IL3RA: variants seen among roughly 807,000 people sequenced by gnomAD.
IL3RA encodes interleukin-3 receptor subunit alpha.
IL3RA carries 73 observed loss-of-function variants against 52.3 expected under a neutral mutation model. The observed-to-expected ratio is 1.40, with a 90% confidence interval of 1.16 to 1.70. The LOEUF (loss-of-function observed/expected upper bound fraction) is 1.70, where lower values mean the gene tolerates loss of function less well. Among genes scored for constraint, IL3RA ranks in the 40% most tolerant of loss-of-function variants. The pLI is 0.00. For missense variants in IL3RA, 664 were observed against 504.4 expected, an observed-to-expected ratio of 1.32 and a Z score of -3.03; for synonymous variants, 260 against 194.0, an observed-to-expected ratio of 1.34 and a Z score of -2.83.
chrX:1,344,988 C>T (rs1475708245), intron 2 of IL3RA, among the ~76,000 whole-genome samples: 27 of 138,172 alleles, frequency 2.0e-4, no homozygotes, highest in Non-Finnish European at 3.6e-4. Flanking sequence ...CGGTGAAACG[C>T]CATCTCTACT....
rs2089229133 is a variant in IL3RA at position 1,382,492 on chromosome X, C to T, written c.*27C>T. ...ACTGGGGTTCAGGGCTTGTGGGGGT[C>T]TGCCTCAATCTCCCTGGCCGGGCCA... is the stretch of plus-strand genomic sequence containing the variant. On this transcript the variant is annotated 3_prime_UTR_variant, in exon 12 of 12. Coordinates refer to ENST00000331035, the MANE Select transcript of IL3RA (RefSeq NM_002183.4). The T allele has an allele frequency of 6.2e-7, 1 of 1,606,002 alleles. No individual in the cohort carries two copies. Among genetic ancestry groups the T allele is most frequent in the Non-Finnish European group, 8.5e-7 (1 of 1,172,868 alleles).
intron 8 of IL3RA, among the ~76,000 whole-genome samples, chrX:1,363,091 A>C (rs1286639165): frequency 6.6e-6 from 1 of 151,104 alleles, no homozygotes; most frequent in Non-Finnish European, 1.5e-5. Context: ...TCCTCTTCTT[A>C]TAAGGATATT....
At chrX:1,346,254 C>A (rs2085737256) in intron 3 of IL3RA, among the ~76,000 whole-genome samples, 2 of 151,810 alleles carry the variant, frequency 1.3e-5, no homozygotes, top group Admixed American at 6.6e-5. Flanking sequence ...GTCTGGGCAA[C>A]ATGGTGAAAC....
intron 10 of IL3RA, 21 bp from the exon 11 acceptor site, chrX:1,381,002 G>A: frequency 6.2e-7 from 1 of 1,608,818 alleles, no homozygotes; most frequent in Non-Finnish European, 8.5e-7. Flanking sequence ...TCAGAGCTGG[G>A]CCATTTCTCT....
chrX:1,344,891 G>A (rs761393388), intron 2 of IL3RA, among the ~76,000 whole-genome samples: 54 of 148,670 alleles, frequency 3.6e-4, no homozygotes, highest in Non-Finnish European at 7.1e-4. Flanking sequence ...GACCTGGTGC[G>A]GTGGCTCATG....
chrX:1,352,413 A>C lies in IL3RA; in HGVS notation c.523A>C (p.Ser175Arg). Residue 175 changes from serine to arginine, a missense_variant, in exon 6 of 12, where the codon AGC becomes CGC. By Grantham distance (110) the Ser-to-Arg change is moderately radical. Transcript: ENST00000331035. ...TTTCGATGACATCTCTCGACTCTCC[A>C]GCGGTTCTCAAAGTTCCCACATCCT... ...CRFDDISRLS[S>R]GSQSSHILVR... 6.2e-7 allele frequency: 1 copy of C among 1,613,870 alleles called. No individual in the cohort carries two copies. Among genetic ancestry groups the C allele is most frequent in the Non-Finnish European group, 8.5e-7 (1 of 1,179,874 alleles).
chrX:1,343,301 G>C (rs1361846460), intron 2 of IL3RA, among the ~76,000 whole-genome samples: 1 of 152,060 alleles, frequency 6.6e-6, no homozygotes, highest in African/African-American at 2.4e-5. Context: ...TGGCCGATCA[G>C]AGATAAACCC....
rs201486412 is a variant in IL3RA, at chrX:1,362,414, CCT to C, written c.760-2721_760-2720del. Among the ~76,000 whole-genome samples, 911 of 149,562 alleles carry C rather than the reference CCT, an allele frequency of 6.1e-3. 2 individuals are homozygous for C. The highest frequency in any genetic ancestry group is 9.5e-3 in the Non-Finnish European group (643 of 67,544). ...CTGTTTCTGTTTTTCTTTCTTTTTC[CCT>C]CTGTCTCCCTTCTCTGTGTCTCTTT... On this transcript the variant is annotated intron_variant, in intron 8 of 11. Coordinates refer to ENST00000331035, the MANE Select transcript of IL3RA (RefSeq NM_002183.4).
intron 4 of IL3RA, among the ~76,000 whole-genome samples, 153 bp downstream of exon 4, chrX:1,348,698 T>TC (rs2085922900): frequency 1.6e-5 from 1 of 62,048 alleles, no homozygotes; most frequent in Non-Finnish European, 3.1e-5. Context: ...TTCTTTTTCT[T>TC]TCTTTCTGTT....
intron 9 of IL3RA, among the ~76,000 whole-genome samples, chrX:1,377,327 A>C (rs2088833916): frequency 6.6e-6 from 1 of 151,082 alleles, no homozygotes; most frequent in Non-Finnish European, 1.5e-5. Flanking sequence ...TGCAACCTCC[A>C]CCTCGCAGGT....
intron 9 of IL3RA, among the ~76,000 whole-genome samples, chrX:1,366,612 G>C (rs1252252310): frequency 2.9e-4 from 10 of 34,134 alleles, no homozygotes; most frequent in African/African-American, 7.4e-4. Flanking sequence ...CGGGGTGAGC[G>C]GGGTGCGCGG....
At chrX:1,360,468 C>G (rs1465423076) in intron 8 of IL3RA, among the ~76,000 whole-genome samples, 1 of 151,576 alleles carries the variant, frequency 6.6e-6, no homozygotes, top group Admixed American at 6.6e-5. Flanking sequence ...ATATCTCCCC[C>G]TCTCCCAGTC....
At chrX:1,361,243 C>G (rs1184800715) in intron 8 of IL3RA, among the ~76,000 whole-genome samples, 1 of 150,494 alleles carries the variant, frequency 6.6e-6, no homozygotes, top group African/African-American at 2.5e-5. Flanking sequence ...CATTATTTCT[C>G]TGTGATTGTC....
chrX:1,352,599 A>G (rs1316633814), intron 6 of IL3RA, 93 bp downstream of exon 6: 28 of 1,308,186 alleles, frequency 2.1e-5, no homozygotes, highest in Middle Eastern at 2.7e-4. Context: ...GTGGCTCCCA[A>G]CGCAGACGTT....
chrX:1,344,958 C>T (rs1390240940), intron 2 of IL3RA, among the ~76,000 whole-genome samples: 19 of 147,854 alleles, frequency 1.3e-4, no homozygotes, highest in Admixed American at 3.5e-4. Flanking sequence ...GTCAGGAGAT[C>T]GAGACCATCC....
chrX:1,377,094 C>A (rs1162867343), intron 9 of IL3RA, among the ~76,000 whole-genome samples: 3 of 110,434 alleles, frequency 2.7e-5, no homozygotes, highest in African/African-American at 1.3e-4. Context: ...AAGGGACAAC[C>A]CTGTGGGACA....
chrX:1,354,063 G>GGTCATGGGAGCCCCCATCATGA (rs2086413467), intron 6 of IL3RA, among the ~76,000 whole-genome samples: 1 of 145,186 alleles, frequency 6.9e-6, no homozygotes, highest in Non-Finnish European at 1.5e-5. Context: ...TCCCACCATG[G>GGTCATGGGAGCCCCCATCATGA]GTCATGGGAG....
chrX:1,338,328 C>T (rs1321845706), intron 1 of IL3RA, among the ~76,000 whole-genome samples: 2 of 151,324 alleles, frequency 1.3e-5, no homozygotes, highest in Non-Finnish European at 2.9e-5. Context: ...GCTTTATTCA[C>T]AATAGCCAAG....
rs1385197817 is a variant in IL3RA, at chrX:1,380,904, A to G, written c.981-119A>G. 3.6e-6 allele frequency: 3 copies of G among 826,610 alleles called. No individual in the cohort carries two copies. The African/African-American group carries it at 5.1e-5, about 14-fold the overall frequency. 51.2% of individuals were successfully genotyped at this position (826,610 alleles called of 1,614,324 possible). On this transcript the variant is annotated intron_variant, in intron 10 of 11. Transcript: ENST00000331035. Reference sequence around the variant, plus strand: ...GGGCCGGGAAAATAGAGACCCCTCGAGTAGATGACTTGAGTCTTTTGCTCT... The same window carrying G: ...GGGCCGGGAAAATAGAGACCCCTCGGGTAGATGACTTGAGTCTTTTGCTCT...
Sources: gnomAD v4.1 joint callset for allele counts (sites outside exome capture counted in the v4.1 genomes callset) on GRCh38, gnomAD v4.1.1 for gene constraint, MANE v1.5 for transcripts, NCBI Gene and HGNC (gene_info 2026-07-23, HGNC 2026-07-21) for gene names.